DLG2: variants seen among roughly 807,000 people sequenced by gnomAD.
The protein encoded by DLG2 is disks large homolog 2.
A neutral mutation model predicts 132.5 loss-of-function variants in DLG2; 45 were observed. The ratio of observed to expected loss-of-function variants is 0.34; its 90% CI spans 0.27 to 0.44. DLG2 has a LOEUF of 0.44. DLG2 is among the 20% of genes least tolerant of loss of function. The pLI is 1.00. For synonymous variants in DLG2, 424 were observed against 419.6 expected (o/e 1.01, Z -0.13); for missense variants, 1,045 against 1,196.9 (o/e 0.87, Z 1.87).
Position 84,696,526 on chromosome 11 carries a change from G to C in DLG2, c.358-161795C>G, listed in dbSNP as rs543395823. Among the ~76,000 whole-genome samples, 3 of 151,496 alleles carry C rather than the reference G, an allele frequency of 2.0e-5. No individual in the cohort carries two copies. In the South Asian group the frequency reaches 6.2e-4, roughly 32 times the overall value. The stretch of plus-strand genomic sequence containing the variant: ...AATTCCCCTTTAGCTAAGTTCGAAA[G>C]GTGAGCAGTATATGCCATGGAAGCA... On this transcript the variant is annotated intron_variant, in intron 6 of 27. Coordinates refer to ENST00000376104, the MANE Select transcript of DLG2 (RefSeq NM_001142699.3).
chr11:85,578,683 A>G (rs2078316675), intron 3 of DLG2, among the ~76,000 whole-genome samples: 1 of 152,218 alleles, frequency 6.6e-6, no homozygotes, highest in Admixed American at 6.5e-5. Context: ...ACAATGAGAT[A>G]CCACCTCACA....
At chr11:84,843,174 G>T (rs554318550) in intron 6 of DLG2, among the ~76,000 whole-genome samples, 1 of 151,940 alleles carries the variant, frequency 6.6e-6, no homozygotes, top group Admixed American at 6.6e-5. Context: ...TGGATATGTT[G>T]ATTAGCTTGA....
chr11:84,405,340 C>T (rs1377053806), intron 7 of DLG2, among the ~76,000 whole-genome samples: 1 of 152,164 alleles, frequency 6.6e-6, no homozygotes, highest in Non-Finnish European at 1.5e-5. Context: ...AAGCACCATA[C>T]ATTCACATAC....
intron 16 of DLG2, among the ~76,000 whole-genome samples, chr11:83,849,193 C>T (rs527301131): frequency 6.6e-6 from 1 of 151,754 alleles, no homozygotes; most frequent in South Asian, 2.1e-4. Flanking sequence ...GTTTTTATAT[C>T]CCAAAATGGG....
chr11:85,101,292 T>G (rs1743800404), intron 6 of DLG2, among the ~76,000 whole-genome samples: 1 of 152,086 alleles, frequency 6.6e-6, no homozygotes, highest in African/African-American at 2.4e-5. Context: ...ACGAGATATA[T>G]CTGAAAAGTC....
intron 3 of DLG2, among the ~76,000 whole-genome samples, chr11:85,535,603 C>T (rs1410524023): frequency 6.6e-6 from 1 of 152,030 alleles, no homozygotes; most frequent in Non-Finnish European, 1.5e-5. Flanking sequence ...AACAGAGTTA[C>T]CATATAAACC....
intron 14 of DLG2, among the ~76,000 whole-genome samples, chr11:83,940,577 A>G (rs1422329826): frequency 6.6e-6 from 1 of 152,098 alleles, no homozygotes; most frequent in Non-Finnish European, 1.5e-5. Flanking sequence ...CTGGGTTCAA[A>G]CCACTAAGTG....
chr11:84,090,139 C>A (rs1038488589), intron 10 of DLG2, among the ~76,000 whole-genome samples: 2 of 152,066 alleles, frequency 1.3e-5, no homozygotes, highest in East Asian at 1.9e-4. Context: ...GCTGGCCAGG[C>A]GCGGTGGCTC....
At chr11:85,387,953 T>G (rs1231221703) in intron 3 of DLG2, among the ~76,000 whole-genome samples, 2 of 152,018 alleles carry the variant, frequency 1.3e-5, no homozygotes, top group African/African-American at 2.4e-5. Flanking sequence ...CACAGACCAT[T>G]TGAAGGAGGT....
At chr11:85,401,475 G>C (rs547001872) in intron 3 of DLG2, among the ~76,000 whole-genome samples, 1 of 152,114 alleles carries the variant, frequency 6.6e-6, no homozygotes, top group Non-Finnish European at 1.5e-5. Context: ...CATAGTATTG[G>C]AAGTTCTGGC....
intron 7 of DLG2, among the ~76,000 whole-genome samples, chr11:84,486,557 T>C (rs2099151373): frequency 1.3e-5 from 2 of 152,166 alleles, no homozygotes; most frequent in Non-Finnish European, 2.9e-5. Context: ...AGTGACAAGA[T>C]GATTTCCTTC....
intron 14 of DLG2, among the ~76,000 whole-genome samples, chr11:83,941,516 C>T (rs1464189242): frequency 1.3e-5 from 2 of 152,106 alleles, no homozygotes; most frequent in African/African-American, 2.4e-5. Flanking sequence ...CCATCTCAGC[C>T]TCTCAAGAAG....
chr11:84,139,884 C>T (rs1412318312), intron 9 of DLG2, among the ~76,000 whole-genome samples: 1 of 152,134 alleles, frequency 6.6e-6, no homozygotes. Flanking sequence ...AAGATAAAAA[C>T]TTGGTATGTA....
Position 84,483,371 on chromosome 11 carries a change from C to A in DLG2, c.519+51199G>T, listed in dbSNP as rs145384961. On this transcript the variant is annotated intron_variant, in intron 7 of 27. Transcript: ENST00000376104. ...CCCTTGAGCCCGGGAGATGGGGTTG[C>A]AGTGAGCCTGGATCATGCCATTGCA... Among the ~76,000 whole-genome samples, 315 of 142,166 alleles carry A rather than the reference C, an allele frequency of 2.2e-3. 3 individuals carry two copies. Among genetic ancestry groups the A allele is most frequent in the East Asian group, 1.4e-3 (7 of 4,830 alleles). The allele number at this position is 142,166 out of a possible 152,430, so 93.3% of individuals were successfully genotyped here.
At chr11:84,906,232 T>G (rs1324392891) in intron 6 of DLG2, among the ~76,000 whole-genome samples, 1 of 120,608 alleles carries the variant, frequency 8.3e-6, no homozygotes, top group African/African-American at 2.9e-5. Flanking sequence ...CAAGTTTTGG[T>G]TTTTTTGTTT....
chr11:84,588,677 G>T lies in DLG2; in HGVS notation c.358-53946C>A, dbSNP rs1197844289. 2.6e-5 allele frequency among the ~76,000 whole-genome samples: 4 copies of T among 151,786 alleles called. No individual in the cohort carries two copies. In the East Asian group the frequency reaches 7.8e-4, roughly 29 times the overall value. ...AGTCACAGGATAAGATAGGAGGTTG[G>T]CACAAGATACAGGTCATAAAGACCT... is the stretch of plus-strand genomic sequence containing the variant. On this transcript the variant is annotated intron_variant, in intron 6 of 27. Transcript: ENST00000376104.
chr11:85,394,764 G>A (rs910748583), intron 3 of DLG2, among the ~76,000 whole-genome samples: 1 of 152,144 alleles, frequency 6.6e-6, no homozygotes, highest in African/African-American at 2.4e-5. Context: ...CTCCATCTCA[G>A]ATGCTAATCT....
At chr11:84,157,426 T>A (rs1015519290) in intron 9 of DLG2, among the ~76,000 whole-genome samples, 1 of 152,314 alleles carries the variant, frequency 6.6e-6, no homozygotes, top group African/African-American at 2.4e-5. Context: ...ATCCACTACT[T>A]TTTAAAAAAA....
At chr11:84,880,210 C>A (rs998520818) in intron 6 of DLG2, among the ~76,000 whole-genome samples, 11 of 152,016 alleles carry the variant, frequency 7.2e-5, no homozygotes, top group African/African-American at 2.4e-4. Flanking sequence ...CTAAGCCTGA[C>A]TAAGGAAATA....
Sources: allele counts gnomAD v4.1 joint callset (sites outside exome capture counted in the v4.1 genomes callset), GRCh38; gene constraint gnomAD v4.1.1; transcripts MANE v1.5; gene names NCBI Gene and HGNC (gene_info 2026-07-23, HGNC 2026-07-21).